The following SUPT3H variants were observed in gnomAD, a reference collection of about 807,000 sequenced individuals.
The protein encoded by SUPT3H is SPT3 homolog, SAGA and STAGA complex component.
In SUPT3H, 44 loss-of-function variants were observed where a neutral mutation model predicts 44.3. That is an observed-to-expected ratio of 0.99 (90% CI 0.78 to 1.28). SUPT3H has a LOEUF of 1.28. Among genes scored for constraint, SUPT3H ranks in the 50% most tolerant of loss-of-function variants. The pLI, the probability that SUPT3H is intolerant of heterozygous loss-of-function variation, is 0.00. For synonymous variants in SUPT3H, 124 were observed against 125.6 expected (o/e 0.99, Z 0.09); for missense variants, 380 against 387.1 (o/e 0.98, Z 0.15).
At chr6:45,175,508 A>G (rs1197141576) in intron 2 of SUPT3H, among the ~76,000 whole-genome samples, 1 of 152,158 alleles carries the variant, frequency 6.6e-6, no homozygotes, top group Admixed American at 6.6e-5. Context: ...GATTATGAGG[A>G]TTACAATTCA....
intron 3 of SUPT3H, among the ~76,000 whole-genome samples, chr6:45,068,986 A>T (rs539073498): frequency 6.0e-4 from 91 of 151,808 alleles, no homozygotes; most frequent in Non-Finnish European, 9.9e-4. Flanking sequence ...GCAAAAAAAA[A>T]AAAATAAAAA....
rs185732977 is a variant in SUPT3H at position 44,885,762 on chromosome 6, C to T, written c.912+46891G>A. ...TCACCAGCAACGGAACAAAGCCGGA[C>T]GGAGAATGACTTTGACGAGTTGAGA... is the stretch of plus-strand genomic sequence containing the variant. On this transcript the variant is annotated intron_variant, in intron 10 of 10. Coordinates refer to ENST00000371459, the MANE Select transcript of SUPT3H (RefSeq NM_003599.4). Among the ~76,000 whole-genome samples, 125 of 152,174 alleles carry T rather than the reference C, an allele frequency of 8.2e-4. 1 individual carries two copies. Among genetic ancestry groups the T allele is most frequent in the African/African-American group, 2.5e-3 (105 of 41,494 alleles).
At chr6:44,965,585 G>C (rs955635093) in intron 6 of SUPT3H, among the ~76,000 whole-genome samples, 8 of 132,508 alleles carry the variant, frequency 6.0e-5, no homozygotes, top group African/African-American at 2.0e-4. Flanking sequence ...CTCTTCCCCT[G>C]AATTGTTTAA....
rs148766135 is a variant in SUPT3H at position 44,881,415 on chromosome 6, T to G, written c.912+51238A>C. ...AGTTCTTAGAGATCTACAAAGAGAC[T>G]TAGACTCCCACACAATAATAGTGGG... is the stretch of plus-strand genomic sequence containing the variant. On this transcript the variant is annotated intron_variant, in intron 10 of 10. Transcript: ENST00000371459. Among the ~76,000 whole-genome samples the G allele has an allele frequency of 2.5e-3, 387 of 152,264 alleles. 2 individuals carry two copies. The highest frequency in any genetic ancestry group is 8.5e-3 in the African/African-American group (354 of 41,532).
chr6:45,157,986 G>A (rs1033740173), intron 2 of SUPT3H, among the ~76,000 whole-genome samples: 4 of 148,878 alleles, frequency 2.7e-5, no homozygotes, highest in Non-Finnish European at 4.4e-5. Flanking sequence ...TTAATAATAC[G>A]TAATTATAAC....
At chr6:44,949,663 A>T (rs1341949553) in intron 9 of SUPT3H, among the ~76,000 whole-genome samples, 2 of 152,036 alleles carry the variant, frequency 1.3e-5, no homozygotes, top group Non-Finnish European at 2.9e-5. Flanking sequence ...TCAGAGTAAG[A>T]TACATAAATG....
At chr6:44,859,179 T>C (rs1455436961) in intron 10 of SUPT3H, among the ~76,000 whole-genome samples, 1 of 152,214 alleles carries the variant, frequency 6.6e-6, no homozygotes, top group Non-Finnish European at 1.5e-5. Context: ...ATGTTTTATT[T>C]GTTTCACTCC....
At chr6:44,888,610 C>T in intron 10 of SUPT3H, among the ~76,000 whole-genome samples, 1 of 152,068 alleles carries the variant, frequency 6.6e-6, no homozygotes, top group Non-Finnish European at 1.5e-5. Context: ...TTGATGGGAC[C>T]TATCACAAAA....
rs1488589414 is a variant in SUPT3H, at chr6:44,812,549, ACC to A, written c.*53-3050_*53-3049del. Among the ~76,000 whole-genome samples the A allele has an allele frequency of 2.4e-4, 37 of 152,278 alleles. No homozygotes were observed. In the South Asian group the frequency reaches 7.7e-3, roughly 32 times the overall value. ...ATTAGCAACCTTCATGCCATCTGCA[ACC>A]TTATTTCCCTTTTGCTATGTGATGT... On this transcript the variant is annotated intron_variant and NMD_transcript_variant, in intron 11 of 11. Transcript: ENST00000475057.
chr6:44,857,297 A>G (rs1773901029), intron 10 of SUPT3H, among the ~76,000 whole-genome samples: 1 of 152,212 alleles, frequency 6.6e-6, no homozygotes, highest in South Asian at 2.1e-4. Context: ...TTATCTTAGT[A>G]AAAGGACAAA....
intron 10 of SUPT3H, among the ~76,000 whole-genome samples, chr6:44,864,562 A>G (rs1400743672): frequency 6.6e-6 from 1 of 152,156 alleles, no homozygotes; most frequent in Non-Finnish European, 1.5e-5. Context: ...CCAAACCCCA[A>G]TTCTTGACTT....
At chr6:45,292,968 T>C (rs986640906) in intron 2 of SUPT3H, among the ~76,000 whole-genome samples, 9 of 151,832 alleles carry the variant, frequency 5.9e-5, no homozygotes, top group Non-Finnish European at 1.0e-4. Flanking sequence ...ATTTAAACTA[T>C]ACCTTGGAAC....
At chr6:45,295,863 T>G (rs1343395398) in intron 2 of SUPT3H, among the ~76,000 whole-genome samples, 4 of 151,986 alleles carry the variant, frequency 2.6e-5, no homozygotes, top group Non-Finnish European at 5.9e-5. Flanking sequence ...CAGGCAACAC[T>G]TCTACACTGC....
At chr6:45,365,612 A>T (rs1469204402) in intron 1 of SUPT3H, among the ~76,000 whole-genome samples, 2 of 149,464 alleles carry the variant, frequency 1.3e-5, no homozygotes, top group Non-Finnish European at 3.0e-5. Flanking sequence ...ATTGGTTTTC[A>T]AAATGTGCTT....
chr6:44,811,203 G>C (rs1239539018), intron 11 of SUPT3H, among the ~76,000 whole-genome samples: 2 of 152,118 alleles, frequency 1.3e-5, no homozygotes, highest in African/African-American at 2.4e-5. Flanking sequence ...TAGTTTCTCA[G>C]GCTTTCCTTG....
chr6:45,086,296 T>C (rs1796466470), intron 3 of SUPT3H, among the ~76,000 whole-genome samples: 1 of 152,014 alleles, frequency 6.6e-6, no homozygotes, highest in Non-Finnish European at 1.5e-5. Flanking sequence ...TTTCACCTAG[T>C]TGTGTAAAAT....
intron 2 of SUPT3H, among the ~76,000 whole-genome samples, chr6:45,192,038 A>T (rs1230865786): frequency 6.6e-6 from 1 of 152,132 alleles, no homozygotes; most frequent in African/African-American, 2.4e-5. Flanking sequence ...TGCTATGTCG[A>T]AAAGGGCAAC....
At chr6:44,870,244 G>A (rs536493961) in intron 10 of SUPT3H, among the ~76,000 whole-genome samples, 2 of 152,128 alleles carry the variant, frequency 1.3e-5, no homozygotes, top group Non-Finnish European at 2.9e-5. Context: ...TGTATACAGA[G>A]CACAGCAAGA....
chr6:45,165,029 C>T (rs1425720312), intron 2 of SUPT3H, among the ~76,000 whole-genome samples: 3 of 151,964 alleles, frequency 2.0e-5, no homozygotes, highest in Admixed American at 1.3e-4. Context: ...CACATGTATG[C>T]AGGGCCCACC....
Sources: allele counts gnomAD v4.1 joint callset (sites outside exome capture counted in the v4.1 genomes callset), GRCh38; gene constraint gnomAD v4.1.1; transcripts MANE v1.5; gene names NCBI Gene and HGNC (gene_info 2026-07-23, HGNC 2026-07-21).